FAM111A: variants seen among roughly 807,000 people sequenced by gnomAD.
The protein encoded by FAM111A is FAM111 trypsin like peptidase A.
In FAM111A, 8 loss-of-function variants were observed where a neutral mutation model predicts 3.3. That is an observed-to-expected ratio of 2.39 (90% confidence interval 1.40 to 4.32). The LOEUF is 4.32. Among genes scored for constraint, FAM111A ranks in the 30% most tolerant of loss-of-function variants. FAM111A has a pLI of 0.00. For synonymous variants in FAM111A, 227 were observed against 243.1 expected (o/e 0.93, Z 0.62); for missense variants, 683 against 727.6 (o/e 0.94, Z 0.71).
At chr11:59,143,378 G>A (rs1244853885) in intron 2 of FAM111A, 74 bp downstream of exon 2, 2 of 152,172 alleles carry the variant, frequency 1.3e-5, no homozygotes, top group Non-Finnish European at 2.9e-5. Flanking sequence ...GATGCTGGTG[G>A]GGACAGGGTA....
In FAM111A at chr11:59,143,281, G is replaced by C. The variant is rs1170187391; in HGVS notation, c.-329G>C. On this transcript the variant is annotated 5_prime_UTR_variant, in exon 2 of 6. Coordinates refer to ENST00000675163, the MANE Select transcript of FAM111A (RefSeq NM_001312909.2). ...TCACGAGTTCAGGCGTCTGAGACTT[G>C]GTGGGAACGGACCTTCCTCTTAGGT... The C allele has an allele frequency of 6.6e-6, 1 of 152,230 alleles. No individual in the cohort carries two copies. The highest frequency in any genetic ancestry group is 2.4e-5 in the African/African-American group (1 of 41,438). The allele number at this position is 152,230 out of a possible 1,614,324, so 9.4% of individuals were successfully genotyped here.
Position 59,146,368 on chromosome 11 carries a change from GC to G in FAM111A, c.-77+513del, listed in dbSNP as rs576083405. Among the ~76,000 whole-genome samples, 235 of 152,316 alleles carry G rather than the reference GC, an allele frequency of 1.5e-3. 1 individual carries two copies. The highest frequency in any genetic ancestry group is 5.1e-3 in the African/African-American group (214 of 41,560). On this transcript the variant is annotated intron_variant, in intron 4 of 5. Coordinates refer to ENST00000675163, the MANE Select transcript of FAM111A (RefSeq NM_001312909.2). ...CAAAGTGCTGAGATTACAGGCATGA[GC>G]TACCGCACCCAGACCACAATATATT...
chr11:59,142,932 G>A lies in FAM111A; in HGVS notation c.-542G>A, dbSNP rs1860337505. The stretch of plus-strand genomic sequence containing the variant: ...CCAATACTCGGGACTGGGGAAACCG[G>A]GAGAATAGAAGCAGGCAAGGACCGC... On this transcript the variant is annotated 5_prime_UTR_variant, in exon 1 of 6. Transcript: ENST00000675163. The A allele has an allele frequency of 6.6e-6, 1 of 152,276 alleles. No homozygotes were observed. Among genetic ancestry groups the A allele is most frequent in the Non-Finnish European group, 1.5e-5 (1 of 68,110 alleles). 9.4% of individuals were successfully genotyped at this position (152,276 alleles called of 1,614,324 possible). A position where few individuals can be genotyped will look rare whatever the true frequency, so the allele number is the denominator to read the frequency against.
At chr11:59,147,967 T>G in intron 4 of FAM111A, among the ~76,000 whole-genome samples, 1 of 152,240 alleles carries the variant, frequency 6.6e-6, no homozygotes, top group South Asian at 2.1e-4. Flanking sequence ...TAGTACACCA[T>G]ATGCCTACTC....
rs1681194870 is a variant in FAM111A, at chr11:59,148,971, A to G, written c.81+18A>G. The G allele has an allele frequency of 6.4e-7, 1 of 1,567,866 alleles. No homozygotes were observed. The highest frequency in any genetic ancestry group is 1.1e-5 in the South Asian group (1 of 89,896). ...TTTCTCCGGTATGTCTGTAAATTCT[A>G]CTTATGTAATCTAGTCATCCCTTGG... On this transcript the variant is annotated intron_variant, in intron 5 of 5. Coordinates refer to ENST00000675163, the MANE Select transcript of FAM111A (RefSeq NM_001312909.2).
At chr11:59,147,534 A>G (rs970584724) in intron 4 of FAM111A, among the ~76,000 whole-genome samples, 3 of 152,178 alleles carry the variant, frequency 2.0e-5, no homozygotes, top group Admixed American at 2.0e-4. Context: ...TTGTTTACAT[A>G]CTTTCCCTTT....
In FAM111A at chr11:59,152,296, A is replaced by G; in HGVS notation, c.628A>G (p.Lys210Glu). 1 of 1,614,214 alleles carries G rather than the reference A, an allele frequency of 6.2e-7. No homozygotes were observed. The highest frequency in any genetic ancestry group is 8.5e-7 in the Non-Finnish European group (1 of 1,180,040). ...KCGKLHKKGR[K>E]LCVYAFKGET... ...TGGGAAGCTTCACAAAAAGGGGCGC[A>G]AACTCTGTGTTTATGCTTTCAAAGG... The change falls in exon 6 of 6, where the codon AAA (lysine) becomes GAA (glutamate). Residue 210 changes from lysine to glutamate, a missense_variant. Physicochemically the swap from Lys to Glu is moderately conservative, Grantham distance 56. This residue lies in a region of FAM111A where 557 missense variants were observed against 600.2 expected (regional missense o/e 0.93). Coordinates refer to ENST00000675163, the MANE Select transcript of FAM111A (RefSeq NM_001312909.2).
At chr11:59,149,051 C>A in intron 5 of FAM111A, 98 bp downstream of exon 5, 1 of 791,686 alleles carries the variant, frequency 1.3e-6, no homozygotes, top group Non-Finnish European at 2.2e-6. Context: ...TCCATGAATG[C>A]TCAAATTCTT....
At chr11:59,149,183 G>T (rs913650218) in intron 5 of FAM111A, 4 of 436,054 alleles carry the variant, frequency 9.2e-6, no homozygotes, top group Non-Finnish European at 8.2e-6. Context: ...TTGATATACT[G>T]TATTGCTTAG....
At chr11:59,144,486 G>A (rs913145221) in intron 3 of FAM111A, 4 of 152,174 alleles carry the variant, frequency 2.6e-5, no homozygotes, top group South Asian at 2.1e-4. Context: ...CTTATCACTA[G>A]CAACACTACG....
At chr11:59,145,728 C>T (rs1384304917) in intron 3 of FAM111A, 99 bp from the exon 4 acceptor site, 1 of 152,098 alleles carries the variant, frequency 6.6e-6, no homozygotes, top group Admixed American at 6.5e-5. Flanking sequence ...ACAGTGAATC[C>T]CTAGATTTTC....
At position 59,152,695 on chromosome 11, in the gene FAM111A, T is replaced by G; in HGVS notation, c.1027T>G (p.Ser343Ala). ...TGGGAAAGTAACAAAAAATTCTTCT[T>G]CGATTAAAGTAGTGAAACTTCTTGT... The part of the protein sequence containing the change: ...TFGKVTKNSS[S>A]IKVVKLLVRL... The change falls in exon 6 of 6, where the codon TCG (serine) becomes GCG (alanine). Residue 343 changes from serine (S) to alanine (A), a missense_variant. Ser to Ala is a moderately conservative substitution (Grantham distance 99). Transcript: ENST00000675163. 1 of 1,614,194 alleles carries G rather than the reference T, an allele frequency of 6.2e-7. No individual in the cohort carries two copies. The highest frequency in any genetic ancestry group is 8.5e-7 in the Non-Finnish European group (1 of 1,180,026).
In FAM111A at chr11:59,143,710, G is replaced by A. The variant is rs752514314; in HGVS notation, c.-107+15G>A. ...TACATTATCAGGTATGTTCACTATT[G>A]TGAGAACTGAAGCCATCTACACTCA... On this transcript the variant is annotated intron_variant, in intron 3 of 5. Transcript: ENST00000675163. 7.9e-5 allele frequency: 12 copies of A among 151,944 alleles called. No individual in the cohort carries two copies. The highest frequency in any genetic ancestry group is 1.6e-4 in the Non-Finnish European group (11 of 67,946). 9.4% of individuals were successfully genotyped at this position (151,944 alleles called of 1,614,324 possible).
At position 59,148,855 on chromosome 11, in the gene FAM111A, G is replaced by C; in HGVS notation, c.-18G>C. On this transcript the variant is annotated 5_prime_UTR_variant, in exon 5 of 6. Coordinates refer to ENST00000675163, the MANE Select transcript of FAM111A (RefSeq NM_001312909.2). ...AATTAGTGTTTCAGCTGAACCATCC[G>C]TTCATCTTCAAGCCATCATGAGCTG... The C allele has an allele frequency of 6.3e-7, 1 of 1,591,870 alleles. No individual in the cohort carries two copies. The highest frequency in any genetic ancestry group is 8.6e-7 in the Non-Finnish European group (1 of 1,160,048).
intron 5 of FAM111A, among the ~76,000 whole-genome samples, chr11:59,151,156 CT>C (rs879844922): frequency 0.015 from 2,204 of 146,222 alleles, 44 homozygotes; most frequent in African/African-American, 0.051. Flanking sequence ...TACTAGTGGA[CT>C]TTTTTTTTTT....
Position 59,152,896 on chromosome 11 carries a change from G to A in FAM111A, c.1228G>A (p.Val410Met). 6.2e-7 allele frequency: 1 copy of A among 1,614,152 alleles called. No individual in the cohort carries two copies. ...WATIIGQCVR[V>M]TFGYEELKDK... ...AACCATAATTGGTCAATGTGTAAGG[G>A]TGACATTTGGTTATGAAGAGCTAAA... The change falls in exon 6 of 6, where the codon GTG becomes ATG. Residue 410 changes from valine to methionine, a missense_variant. Coordinates refer to ENST00000675163, the MANE Select transcript of FAM111A (RefSeq NM_001312909.2).
At position 59,152,799 on chromosome 11, in the gene FAM111A, A is replaced by G. The variant is rs1202121529; in HGVS notation, c.1131A>G (p.Gly377=). The change falls in exon 6 of 6, where the codon GGA becomes GGG. Residue 377 remains glycine, a synonymous_variant. Coordinates refer to ENST00000675163, the MANE Select transcript of FAM111A (RefSeq NM_001312909.2). The part of the protein sequence containing the change: ...TGYATCFVFK[G]LFILTCRHVI... Reference sequence around the variant, plus strand: ...ACGCCACCTGCTTTGTTTTTAAAGGATTGTTCATTTTAACTTGTCGGCATG... The same window carrying G: ...ACGCCACCTGCTTTGTTTTTAAAGGGTTGTTCATTTTAACTTGTCGGCATG... 9 of 1,614,030 alleles carry G rather than the reference A, an allele frequency of 5.6e-6. No homozygotes were observed. In the Admixed American group the frequency reaches 1.2e-4, roughly 21 times the overall value.
chr11:59,153,139 G>A lies in FAM111A; in HGVS notation c.1471G>A (p.Gly491Ser). Reference sequence around the variant, plus strand: ...TGATGCTTGTGCTGTGATCCCTCAGGGTCAGCGAGCAAAGAAATGTCAGGA... The same window carrying A: ...TGATGCTTGTGCTGTGATCCCTCAGAGTCAGCGAGCAAAGAAATGTCAGGA... The part of the protein sequence containing the change: ...QIDACAVIPQ[G>S]QRAKKCQERV... Residue 491 changes from glycine to serine, a missense_variant, in exon 6 of 6, where the codon GGT becomes AGT. Coordinates refer to ENST00000675163, the MANE Select transcript of FAM111A (RefSeq NM_001312909.2). The A allele has an allele frequency of 6.2e-7, 1 of 1,614,110 alleles. No individual in the cohort carries two copies. Among genetic ancestry groups the A allele is most frequent in the Non-Finnish European group, 8.5e-7 (1 of 1,180,018 alleles).
Position 59,153,132 on chromosome 11 carries a change from C to G in FAM111A, c.1464C>G (p.Ile488Met). The G allele has an allele frequency of 6.2e-7, 1 of 1,614,142 alleles. No individual in the cohort carries two copies. Among genetic ancestry groups the G allele is most frequent in the Non-Finnish European group, 8.5e-7 (1 of 1,180,024 alleles). Residue 488 changes from isoleucine (I) to methionine (M), a missense_variant, in exon 6 of 6, where the codon ATC becomes ATG. By Grantham distance (10) the Ile-to-Met change is conservative. Transcript: ENST00000675163. ...AGCAGATTGATGCTTGTGCTGTGAT[C>G]CCTCAGGGTCAGCGAGCAAAGAAAT... ...EKKQIDACAV[I>M]PQGQRAKKCQ...
Sources: gnomAD v4.1 joint callset for allele counts (sites outside exome capture counted in the v4.1 genomes callset) on GRCh38, gnomAD v4.1.1 for gene constraint, gnomAD v4.1.1 regional missense constraint, MANE v1.5 for transcripts, NCBI Gene and HGNC (gene_info 2026-07-23, HGNC 2026-07-21) for gene names.